Variants in CCSER2 observed in about 807,000 individuals in gnomAD.
CCSER2 encodes the protein serine-rich coiled-coil domain-containing protein 2.
Under a neutral mutation model 92.3 loss-of-function variants are expected in CCSER2, and 46 were observed. The ratio of observed to expected loss-of-function variants is 0.50; its 90% confidence interval spans 0.39 to 0.64. The LOEUF is 0.64. Among genes scored for constraint, CCSER2 ranks in the 30% least tolerant of loss-of-function variants. The pLI is 0.00. For missense variants in CCSER2, 1,244 were observed against 1,238.9 expected (o/e 1.00, Z -0.06); for synonymous variants, 433 against 431.4 (o/e 1.00, Z -0.04).
intron 3 of CCSER2, among the ~76,000 whole-genome samples, chr10:84,404,890 TA>T (rs1349725578): frequency 8.5e-5 from 13 of 152,174 alleles, no homozygotes; most frequent in Non-Finnish European, 1.3e-4. Flanking sequence ...ACAGAAGATC[TA>T]AATAAAAATA....
chr10:84,340,018 T>A (rs1211275954), intron 1 of CCSER2, among the ~76,000 whole-genome samples: 1 of 151,910 alleles, frequency 6.6e-6, no homozygotes, highest in Non-Finnish European at 1.5e-5. Flanking sequence ...ATTTTTTATA[T>A]TTTTAGCAGA....
chr10:84,357,368 CT>C (rs1175950759), intron 1 of CCSER2, among the ~76,000 whole-genome samples: 1 of 152,196 alleles, frequency 6.6e-6, no homozygotes, highest in African/African-American at 2.4e-5. Context: ...TGAAAATTCC[CT>C]AGCTCCCTTT....
intron 1 of CCSER2, among the ~76,000 whole-genome samples, chr10:84,366,106 T>C (rs1845762490): frequency 6.6e-6 from 1 of 152,158 alleles, no homozygotes; most frequent in Admixed American, 6.5e-5. Context: ...TTTTTAAAAA[T>C]TTTAATGTTA....
At chr10:84,392,975 A>C (rs11201022) in intron 3 of CCSER2, among the ~76,000 whole-genome samples, 28,660 of 151,900 alleles carry the variant, frequency 0.19, 2,800 homozygotes, top group Admixed American at 0.27. Context: ...ATTAGTGGGG[A>C]AGTAGCATGC....
intron 4 of CCSER2, among the ~76,000 whole-genome samples, chr10:84,422,856 C>G (rs1335784265): frequency 2.6e-5 from 4 of 152,110 alleles, no homozygotes; most frequent in Non-Finnish European, 5.9e-5. Context: ...GGGTTCAAGA[C>G]CAGCCTGGCC....
chr10:84,453,427 G>T (rs1845416925), intron 6 of CCSER2, among the ~76,000 whole-genome samples: 1 of 152,282 alleles, frequency 6.6e-6, no homozygotes, highest in Admixed American at 6.5e-5. Flanking sequence ...ATTTAAAAAT[G>T]TGAAAGCTTT....
At chr10:84,398,366 C>G (rs1048020780) in intron 3 of CCSER2, among the ~76,000 whole-genome samples, 3 of 152,148 alleles carry the variant, frequency 2.0e-5, no homozygotes, top group Non-Finnish European at 4.4e-5. Context: ...AACCATAATT[C>G]CCTCTTTGCT....
At chr10:84,437,798 C>T (rs766424621) in intron 5 of CCSER2, among the ~76,000 whole-genome samples, 3 of 149,968 alleles carry the variant, frequency 2.0e-5, no homozygotes, top group Non-Finnish European at 3.0e-5. Context: ...CTGCAACCTC[C>T]GCCTCCCAGG....
chr10:84,434,602 A>C, intron 5 of CCSER2, among the ~76,000 whole-genome samples: 1 of 152,208 alleles, frequency 6.6e-6, no homozygotes, highest in East Asian at 1.9e-4. Flanking sequence ...TGTTCATTGT[A>C]GTATTCTTTT....
intron 6 of CCSER2, among the ~76,000 whole-genome samples, chr10:84,457,892 C>G (rs893634473): frequency 6.6e-6 from 1 of 150,884 alleles, no homozygotes. Flanking sequence ...CAGGCGAATG[C>G]CACCACGCCC....
In CCSER2 at chr10:84,383,554, C is replaced by T. The variant is rs560806891; in HGVS notation, c.1614+9739C>T. ...CTCGATCTCCTGACCTCATGATCTA[C>T]CCACCTCAGCCTCCCAAAGTGCTGG... On this transcript the variant is annotated intron_variant, in intron 3 of 9. Transcript: ENST00000372088. 6.8e-4 allele frequency among the ~76,000 whole-genome samples: 104 copies of T among 152,240 alleles called. 1 individual carries two copies. The highest frequency in any genetic ancestry group is 1.4e-3 in the Non-Finnish European group (97 of 68,002).
At chr10:84,501,807 T>C (rs1211323282) in intron 9 of CCSER2, among the ~76,000 whole-genome samples, 1 of 50,530 alleles carries the variant, frequency 2.0e-5, no homozygotes, top group Non-Finnish European at 6.2e-5. Flanking sequence ...AGTTTGGATG[T>C]ATTAGTCATC....
In CCSER2 at chr10:84,371,649, T is replaced by C. The variant is rs746383313; in HGVS notation, c.597T>C (p.Ser199=). The C allele has an allele frequency of 6.2e-7, 1 of 1,613,780 alleles. No individual in the cohort carries two copies. ...RANSCATRSS[S]GESLAQSPDS... is the part of the protein sequence containing the mutation. ...ACTCCTGTGCCACCAGAAGCAGTTC[T>C]GGAGAAAGCTTAGCTCAATCCCCAG... The change falls in exon 2 of 10, where the codon TCT becomes TCC. Residue 199 remains serine, a synonymous_variant. Transcript: ENST00000372088.
intron 1 of CCSER2, among the ~76,000 whole-genome samples, chr10:84,364,436 G>C (rs1376901408): frequency 6.6e-6 from 1 of 152,080 alleles, no homozygotes; most frequent in African/African-American, 2.4e-5. Flanking sequence ...GTTTTCATTG[G>C]CCCTGGAATC....
At chr10:84,443,408 G>T (rs554216816) in intron 6 of CCSER2, among the ~76,000 whole-genome samples, 3 of 152,256 alleles carry the variant, frequency 2.0e-5, no homozygotes, top group Non-Finnish European at 4.4e-5. Flanking sequence ...ATCATCACTG[G>T]TCATTAAAGA....
chr10:84,506,881 A>G (rs1221457141), intron 9 of CCSER2, among the ~76,000 whole-genome samples: 1 of 152,150 alleles, frequency 6.6e-6, no homozygotes, highest in East Asian at 1.9e-4. Context: ...TTACTTAAAA[A>G]TTCATTTCTA....
chr10:84,414,361 G>T (rs1248963961), intron 3 of CCSER2, among the ~76,000 whole-genome samples: 1 of 152,088 alleles, frequency 6.6e-6, no homozygotes, highest in Non-Finnish European at 1.5e-5. Context: ...GTATTCCATC[G>T]GCATTTGTTT....
chr10:84,351,362 G>C (rs1381324368), intron 1 of CCSER2, among the ~76,000 whole-genome samples: 1 of 152,092 alleles, frequency 6.6e-6, no homozygotes, highest in Non-Finnish European at 1.5e-5. Flanking sequence ...GTCCAGAGTA[G>C]CTGGGATTAC....
In CCSER2 at chr10:84,425,862, T is replaced by C; in HGVS notation, c.1837T>C (p.Tyr613His). The change falls in exon 5 of 10, where the codon TAT (tyrosine) becomes CAT (histidine). Residue 613 changes from tyrosine (Y) to histidine (H), a missense_variant. By Grantham distance (83) the Tyr-to-His change is moderately conservative. Transcript: ENST00000372088. ...EHYHLSHPDH[Y>H]HHHGKSDLSR... ...TTACCACCTCAGCCACCCTGACCAC[T>C]ATCATCACCATGGAAAAAGTGACTT... 6.2e-7 allele frequency: 1 copy of C among 1,609,902 alleles called. No homozygotes were observed. The highest frequency in any genetic ancestry group is 2.2e-5 in the East Asian group (1 of 44,734).
Sources: gnomAD v4.1 joint callset for allele counts (sites outside exome capture counted in the v4.1 genomes callset) on GRCh38, gnomAD v4.1.1 for gene constraint, MANE v1.5 for transcripts, NCBI Gene and HGNC (gene_info 2026-07-23, HGNC 2026-07-21) for gene names.